The following SDHAF3 variants were observed in gnomAD, a reference collection of about 807,000 sequenced individuals.
SDHAF3 encodes succinate dehydrogenase assembly factor 3, mitochondrial.
In SDHAF3, 18 loss-of-function variants were observed where a neutral mutation model predicts 11.5. That is an observed-to-expected ratio of 1.56 (90% CI 1.08 to 2.32). The LOEUF (loss-of-function observed/expected upper bound fraction) is 2.32, where lower values mean the gene tolerates loss of function less well. Ranked by LOEUF, SDHAF3 falls within the 30% of genes most tolerant of loss-of-function variation. The pLI, the probability that SDHAF3 is intolerant of heterozygous loss-of-function variation, is 0.00. For synonymous variants in SDHAF3, 72 were observed against 59.3 expected, an observed-to-expected ratio of 1.21 and a Z score of -0.99; for missense variants, 200 against 154.4, an observed-to-expected ratio of 1.30 and a Z score of -1.57.
chr7:97,121,192 AT>A (rs1791486523), intron 1 of SDHAF3, among the ~76,000 whole-genome samples: 2 of 152,200 alleles, frequency 1.3e-5, no homozygotes, highest in African/African-American at 4.8e-5. Context: ...TTACTACGGC[AT>A]TTTAAAAGTT....
At chr7:97,180,872 T>G in intron 1 of SDHAF3, 140 bp from the exon 2 acceptor site, 1 of 694,098 alleles carries the variant, frequency 1.4e-6, no homozygotes. Context: ...TCTTCACAAC[T>G]ATATTTATAT....
At chr7:97,144,794 C>G (rs1292502992) in intron 1 of SDHAF3, among the ~76,000 whole-genome samples, 1 of 152,044 alleles carries the variant, frequency 6.6e-6, no homozygotes, top group Admixed American at 6.6e-5. Context: ...GTGGGCTCTT[C>G]TTTGGTTTCA....
At chr7:97,140,794 ATTGT>A (rs1256427856) in intron 1 of SDHAF3, among the ~76,000 whole-genome samples, 10 of 151,958 alleles carry the variant, frequency 6.6e-5, no homozygotes, top group African/African-American at 4.8e-5. Flanking sequence ...AACTGCACAA[ATTGT>A]TTGTAGAGCA....
At chr7:97,140,871 C>G (rs1362976244) in intron 1 of SDHAF3, among the ~76,000 whole-genome samples, 3 of 152,214 alleles carry the variant, frequency 2.0e-5, no homozygotes, top group Non-Finnish European at 2.9e-5. Context: ...CAGCAATGTT[C>G]AGGGAACAAG....
intron 1 of SDHAF3, among the ~76,000 whole-genome samples, chr7:97,164,251 G>A (rs150415356): frequency 1.9e-4 from 28 of 150,474 alleles, no homozygotes; most frequent in Admixed American, 5.3e-4. Context: ...TTTTGGAGAC[G>A]GAGTCTCACT....
At chr7:97,166,844 T>G (rs185766352) in intron 1 of SDHAF3, among the ~76,000 whole-genome samples, 12 of 152,308 alleles carry the variant, frequency 7.9e-5, no homozygotes, top group Non-Finnish European at 1.2e-4. Flanking sequence ...CCTTATAGAA[T>G]AGTAGAAATA....
At chr7:97,122,615 A>G (rs763111175) in intron 1 of SDHAF3, among the ~76,000 whole-genome samples, 10 of 152,124 alleles carry the variant, frequency 6.6e-5, no homozygotes, top group Non-Finnish European at 1.5e-4. Context: ...GGAGCATGAT[A>G]CCAGTAACCA....
chr7:97,158,488 A>G (rs1917941), intron 1 of SDHAF3, among the ~76,000 whole-genome samples: 54,091 of 151,816 alleles, frequency 0.36, 9,737 homozygotes, highest in East Asian at 0.49. Context: ...CCACCACGCT[A>G]GCTAATTTTT....
chr7:97,148,100 G>A (rs1047949564), intron 1 of SDHAF3, among the ~76,000 whole-genome samples: 6 of 151,958 alleles, frequency 3.9e-5, no homozygotes, highest in Non-Finnish European at 8.8e-5. Context: ...TCACCATGTC[G>A]TCAAGCTGGT....
At chr7:97,151,537 C>G (rs1789221029) in intron 1 of SDHAF3, among the ~76,000 whole-genome samples, 2 of 146,246 alleles carry the variant, frequency 1.4e-5, no homozygotes, top group Non-Finnish European at 3.0e-5. Context: ...CTCCCTCTGT[C>G]CCCCAGGCTG....
chr7:97,181,378 GACAATTGAAAAAA>G lies in SDHAF3; in HGVS notation c.*166_*178del, dbSNP rs914635053. The G allele has an allele frequency of 9.7e-6, 5 of 515,564 alleles. No homozygotes were observed. The highest frequency in any genetic ancestry group is 7.9e-5 in the African/African-American group (4 of 50,904). The allele number at this position is 515,564 out of a possible 1,614,324, so 31.9% of individuals were successfully genotyped here. On this transcript the variant is annotated 3_prime_UTR_variant, in exon 2 of 2. Transcript: ENST00000432641. ...CAGTATATGGATCAAGATCACTAGT[GACAATTGAAAAAA>G]ACTATTGGAATAATAGCACTTGTAT...
chr7:97,119,979 T>G (rs1419082237), intron 1 of SDHAF3, among the ~76,000 whole-genome samples: 1 of 152,194 alleles, frequency 6.6e-6, no homozygotes, highest in Non-Finnish European at 1.5e-5. Flanking sequence ...ATCACTTGGT[T>G]AAAGTAATAA....
chr7:97,125,985 G>C (rs1791567512), intron 1 of SDHAF3, among the ~76,000 whole-genome samples: 1 of 152,168 alleles, frequency 6.6e-6, no homozygotes, highest in Non-Finnish European at 1.5e-5. Context: ...TTTGGATGGG[G>C]TTTTGTGTGA....
At chr7:97,135,605 G>GTGTC (rs1554351098) in intron 1 of SDHAF3, 2 of 140,528 alleles carry the variant, frequency 1.4e-5, no homozygotes, top group Admixed American at 1.5e-4. Flanking sequence ...GTGTGTGTCT[G>GTGTC]TGTGTGTGTG....
chr7:97,178,782 C>G (rs1251683628), intron 1 of SDHAF3, among the ~76,000 whole-genome samples: 1 of 152,022 alleles, frequency 6.6e-6, no homozygotes, highest in Non-Finnish European at 1.5e-5. Context: ...AATTTTTTCT[C>G]ATTTTGTAGT....
chr7:97,168,079 G>A (rs1789541715), intron 1 of SDHAF3, among the ~76,000 whole-genome samples: 2 of 152,196 alleles, frequency 1.3e-5, no homozygotes, highest in South Asian at 4.1e-4. Context: ...ATGTGTGGGA[G>A]CCCTGGTATT....
At chr7:97,150,827 G>A (rs1789208167) in intron 1 of SDHAF3, among the ~76,000 whole-genome samples, 1 of 152,012 alleles carries the variant, frequency 6.6e-6, no homozygotes, top group South Asian at 2.1e-4. Context: ...CTCCCAAAGT[G>A]CTGGGATTAC....
At chr7:97,137,556 A>G (rs188873239) in intron 1 of SDHAF3, among the ~76,000 whole-genome samples, 277 of 152,296 alleles carry the variant, frequency 1.8e-3, no homozygotes, top group Admixed American at 4.1e-3. Flanking sequence ...AAGCAGCCCA[A>G]CTGAGTTCAG....
intron 1 of SDHAF3, among the ~76,000 whole-genome samples, chr7:97,145,329 T>C (rs1437271443): frequency 6.6e-6 from 1 of 152,198 alleles, no homozygotes; most frequent in African/African-American, 2.4e-5. Context: ...TTTGTCTTTT[T>C]ACATTCTGAC....
Sources: allele counts gnomAD v4.1 joint callset (sites outside exome capture counted in the v4.1 genomes callset), GRCh38; gene constraint gnomAD v4.1.1; transcripts MANE v1.5; gene names NCBI Gene and HGNC (gene_info 2026-07-23, HGNC 2026-07-21).